NTRK2: variants seen among roughly 807,000 people sequenced by gnomAD.
NTRK2 encodes neurotrophic receptor tyrosine kinase 2.
Under a neutral mutation model 94.5 loss-of-function variants are expected in NTRK2, and 13 were observed. That is an observed-to-expected ratio of 0.14 (90% CI 0.09 to 0.22). The LOEUF (loss-of-function observed/expected upper bound fraction) is 0.22. NTRK2 is among the 10% of genes least tolerant of loss of function. NTRK2 has a pLI of 1.00. For missense variants in NTRK2, 639 were observed against 1,071.2 expected (o/e 0.60, Z 5.63); for synonymous variants, 372 against 407.4 (o/e 0.91, Z 1.05).
chr9:84,884,013 T>C (rs1418683619), intron 14 of NTRK2, among the ~76,000 whole-genome samples: 1 of 152,222 alleles, frequency 6.6e-6, no homozygotes, highest in East Asian at 1.9e-4. Flanking sequence ...AATTCTAAAG[T>C]TTCTTTTGGA....
intron 14 of NTRK2, among the ~76,000 whole-genome samples, chr9:84,920,009 T>A (rs2077512844): frequency 6.6e-6 from 1 of 152,214 alleles, no homozygotes; most frequent in African/African-American, 2.4e-5. Flanking sequence ...ATTCCTTGCC[T>A]GAAAATTGTG....
chr9:85,020,457 C>A, intron 18 of NTRK2, 93 bp downstream of exon 18: 1 of 1,319,804 alleles, frequency 7.6e-7, no homozygotes, highest in Non-Finnish European at 1.1e-6. Flanking sequence ...AAGACCATGT[C>A]AGGACACGAT....
chr9:84,920,371 G>C (rs572657947), intron 14 of NTRK2, among the ~76,000 whole-genome samples: 1 of 152,066 alleles, frequency 6.6e-6, no homozygotes, highest in Non-Finnish European at 1.5e-5. Context: ...TTGTCCACGC[G>C]GGCGAGACTG....
intron 8 of NTRK2, 98 bp downstream of exon 8, chr9:84,724,454 A>T: frequency 7.1e-7 from 1 of 1,399,416 alleles, no homozygotes. Flanking sequence ...AAATTTGTTA[A>T]AAAAAGTATA....
At chr9:84,819,565 C>T (rs748986242) in intron 12 of NTRK2, among the ~76,000 whole-genome samples, 1 of 152,198 alleles carries the variant, frequency 6.6e-6, no homozygotes, top group Admixed American at 6.5e-5. Context: ...TTGAATGCCA[C>T]GTCTAATTAC....
At position 84,752,015 on chromosome 9, in the gene NTRK2, G is replaced by A. The variant is rs1275414967; in HGVS notation, c.1326G>A (p.Val442=). The A allele has an allele frequency of 3.7e-6, 6 of 1,613,954 alleles. No individual in the cohort carries two copies. The highest frequency in any genetic ancestry group is 1.3e-5 in the African/African-American group (1 of 74,902). Residue 442 remains valine (V), a synonymous_variant, in exon 12 of 19, where the codon GTG becomes GTA. Transcript: ENST00000277120. The part of the protein sequence containing the change: ...SVYAVVVIAS[V]VGFCLLVMLF... ...ATGCTGTGGTGGTGATTGCGTCTGTGGTGGGATTTTGCCTTTTGGTAATGC... is the reference window on the plus strand; with the variant it reads ...ATGCTGTGGTGGTGATTGCGTCTGTAGTGGGATTTTGCCTTTTGGTAATGC...
intron 13 of NTRK2, among the ~76,000 whole-genome samples, chr9:84,865,412 G>T (rs1249628458): frequency 6.6e-6 from 1 of 152,116 alleles, no homozygotes; most frequent in Non-Finnish European, 1.5e-5. Flanking sequence ...CTTAGCTGGG[G>T]AATGTCCAAC....
chr9:84,820,229 G>C (rs1480693797), intron 12 of NTRK2, among the ~76,000 whole-genome samples: 8 of 149,784 alleles, frequency 5.3e-5, no homozygotes, highest in Admixed American at 3.3e-4. Context: ...GAGTGCAGTG[G>C]TGCGATCTCT....
At chr9:84,872,006 CTAA>C in intron 14 of NTRK2, 1 of 1,503,644 alleles carries the variant, frequency 6.7e-7, no homozygotes, top group East Asian at 2.5e-5. Context: ...GCAGTGTGCT[CTAA>C]TGACTAACCC....
At chr9:84,714,354 T>C (rs532634928) in intron 6 of NTRK2, among the ~76,000 whole-genome samples, 2 of 152,304 alleles carry the variant, frequency 1.3e-5, no homozygotes, top group East Asian at 3.9e-4. Context: ...TGTGTCCACT[T>C]GGGGCTGTAC....
intron 4 of NTRK2, among the ~76,000 whole-genome samples, chr9:84,704,948 G>A (rs1159169607): frequency 6.6e-6 from 1 of 152,090 alleles, no homozygotes; most frequent in Non-Finnish European, 1.5e-5. Context: ...GGACTCTGGG[G>A]AACAGCTTGG....
chr9:85,007,334 A>G (rs1831080844), intron 17 of NTRK2, among the ~76,000 whole-genome samples: 1 of 152,244 alleles, frequency 6.6e-6, no homozygotes. Flanking sequence ...AGGGAAGATC[A>G]AAATGTAGGG....
intron 6 of NTRK2, among the ~76,000 whole-genome samples, chr9:84,715,001 T>A (rs992604089): frequency 5.3e-5 from 8 of 152,222 alleles, no homozygotes; most frequent in Non-Finnish European, 1.2e-4. Flanking sequence ...GTTTGTAAGA[T>A]GAGTTTTCTT....
At chr9:84,679,669 C>T (rs546303193) in intron 2 of NTRK2, among the ~76,000 whole-genome samples, 1 of 152,290 alleles carries the variant, frequency 6.6e-6, no homozygotes, top group East Asian at 1.9e-4. Context: ...CTCTGTGGTT[C>T]TGAATCAGTC....
chr9:84,998,057 G>A (rs1216719439), intron 17 of NTRK2, among the ~76,000 whole-genome samples: 1 of 152,182 alleles, frequency 6.6e-6, no homozygotes, highest in African/African-American at 2.4e-5. Context: ...GCTGAGATAC[G>A]AAGCTCAGAC....
intron 12 of NTRK2, among the ~76,000 whole-genome samples, chr9:84,826,500 A>T (rs569055390): frequency 6.6e-6 from 1 of 152,176 alleles, no homozygotes; most frequent in African/African-American, 2.4e-5. Flanking sequence ...AGGATTGGAC[A>T]TATCTTTTTT....
At chr9:84,851,011 G>A (rs1467101350) in intron 12 of NTRK2, among the ~76,000 whole-genome samples, 1 of 152,160 alleles carries the variant, frequency 6.6e-6, no homozygotes, top group East Asian at 1.9e-4. Context: ...ACCTAGGTCA[G>A]GGTTTCGCAA....
chr9:84,767,286 G>A (rs1219522722), intron 12 of NTRK2, among the ~76,000 whole-genome samples: 1 of 152,180 alleles, frequency 6.6e-6, no homozygotes, highest in East Asian at 1.9e-4. Flanking sequence ...AAGACATTGT[G>A]AGAATTTTAT....
intron 14 of NTRK2, among the ~76,000 whole-genome samples, chr9:84,926,106 TTTCCTTCCTTCCTTCCTTCCTTCC>T (rs1197073231): frequency 2.5e-4 from 27 of 108,840 alleles, no homozygotes; most frequent in African/African-American, 7.8e-4. Flanking sequence ...CCTTCCTTCC[TTTCCTTCCTTCCTTCCTTCCTTCC>T]TTCCTTCCTT....
Sources: gnomAD v4.1 joint callset for allele counts (sites outside exome capture counted in the v4.1 genomes callset) on GRCh38, gnomAD v4.1.1 for gene constraint, MANE v1.5 for transcripts, NCBI Gene and HGNC (gene_info 2026-07-23, HGNC 2026-07-21) for gene names.